PTPRK: variants seen among roughly 807,000 people sequenced by gnomAD.
The protein encoded by PTPRK is receptor-type tyrosine-protein phosphatase kappa.
PTPRK carries 75 observed loss-of-function variants against 178.0 expected under a neutral mutation model. The ratio of observed to expected loss-of-function variants is 0.42; its 90% CI spans 0.35 to 0.51. The LOEUF (loss-of-function observed/expected upper bound fraction) is 0.51, where lower values mean the gene tolerates loss of function less well. Ranked by LOEUF, PTPRK falls within the 20% of genes least tolerant of loss-of-function variation. The pLI is 0.02. For missense variants in PTPRK, 1,441 were observed against 1,797.8 expected (o/e 0.80, Z 3.59); for synonymous variants, 637 against 620.6 (o/e 1.03, Z -0.39).
chr6:128,066,014 C>CT (rs11390295), intron 12 of PTPRK, among the ~76,000 whole-genome samples: 16,757 of 152,148 alleles, frequency 0.11, 2,752 homozygotes, highest in African/African-American at 0.35. Context: ...TATCAAAAAG[C>CT]TTTAAAGAAT....
In PTPRK at chr6:128,512,050, T is replaced by C. The variant is rs143408575; in HGVS notation, c.100+8209A>G. ...CTCATAAGAATAAAAGCAGTACTAG[T>C]AAAAAAGACAAGTTCCAGAATTTGG... On this transcript the variant is annotated intron_variant, in intron 1 of 29. Transcript: ENST00000368226. 3.3e-5 allele frequency among the ~76,000 whole-genome samples: 5 copies of C among 152,188 alleles called. No homozygotes were observed. The East Asian group carries it at 9.7e-4, about 29-fold the overall frequency.
intron 13 of PTPRK, among the ~76,000 whole-genome samples, chr6:128,030,705 TA>T (rs1775171406): frequency 6.6e-6 from 1 of 152,186 alleles, no homozygotes; most frequent in Non-Finnish European, 1.5e-5. Context: ...ATTATTCTTT[TA>T]AAAACAGTTG....
At chr6:128,475,211 G>T (rs958037096) in intron 1 of PTPRK, among the ~76,000 whole-genome samples, 1 of 152,064 alleles carries the variant, frequency 6.6e-6, no homozygotes, top group African/African-American at 2.4e-5. Context: ...TTATAAAATG[G>T]TGATAATAAA....
intron 7 of PTPRK, among the ~76,000 whole-genome samples, chr6:128,136,642 G>GT (rs1446836168): frequency 6.6e-6 from 1 of 152,172 alleles, no homozygotes; most frequent in Non-Finnish European, 1.5e-5. Flanking sequence ...AGATGCAGTT[G>GT]TATTTTCATT....
chr6:128,204,613 C>G (rs529590345), intron 6 of PTPRK, among the ~76,000 whole-genome samples: 1 of 149,872 alleles, frequency 6.7e-6, no homozygotes, highest in Non-Finnish European at 1.5e-5. Flanking sequence ...AGGACATGAA[C>G]AGACATTTCT....
At chr6:128,325,555 C>G (rs1174482979) in intron 2 of PTPRK, among the ~76,000 whole-genome samples, 1 of 151,462 alleles carries the variant, frequency 6.6e-6, no homozygotes, top group Non-Finnish European at 1.5e-5. Context: ...ATGCGGCCAA[C>G]AAACATAAAA....
At chr6:128,413,826 C>G (rs1842561332) in intron 1 of PTPRK, among the ~76,000 whole-genome samples, 1 of 152,090 alleles carries the variant, frequency 6.6e-6, no homozygotes, top group Admixed American at 6.6e-5. Flanking sequence ...TATACTGACC[C>G]AACTTTTCAA....
At chr6:128,185,891 G>T (rs907990748) in intron 6 of PTPRK, among the ~76,000 whole-genome samples, 4 of 152,072 alleles carry the variant, frequency 2.6e-5, no homozygotes, top group Non-Finnish European at 5.9e-5. Flanking sequence ...CTGTAGACAG[G>T]TTTTACCTTC....
chr6:128,411,442 G>A (rs1439511335), intron 1 of PTPRK, among the ~76,000 whole-genome samples: 1 of 152,156 alleles, frequency 6.6e-6, no homozygotes, highest in Non-Finnish European at 1.5e-5. Context: ...AGAGAAAGTA[G>A]GTGGGGCCTT....
chr6:128,450,270 A>C (rs1357915175), intron 1 of PTPRK, among the ~76,000 whole-genome samples: 1 of 152,234 alleles, frequency 6.6e-6, no homozygotes, highest in East Asian at 1.9e-4. Context: ...GAGCAAGATC[A>C]CTATTAAGAA....
chr6:128,270,891 G>T (rs992195291), intron 3 of PTPRK, among the ~76,000 whole-genome samples: 5 of 152,112 alleles, frequency 3.3e-5, no homozygotes, highest in African/African-American at 9.6e-5. Context: ...CCAATGCTTT[G>T]TTTTTAGCTG....
At chr6:128,440,133 G>A (rs1181533375) in intron 1 of PTPRK, among the ~76,000 whole-genome samples, 1 of 152,170 alleles carries the variant, frequency 6.6e-6, no homozygotes, top group African/African-American at 2.4e-5. Context: ...TGTAGGACTT[G>A]AGTATACATG....
At chr6:127,992,004 G>A (rs1374636937) in intron 19 of PTPRK, among the ~76,000 whole-genome samples, 1 of 151,656 alleles carries the variant, frequency 6.6e-6, no homozygotes, top group East Asian at 1.9e-4. Flanking sequence ...AATGACCCCT[G>A]TTAAAAGAGT....
intron 2 of PTPRK, among the ~76,000 whole-genome samples, chr6:128,356,530 TC>T (rs1833987649): frequency 6.6e-6 from 1 of 152,150 alleles, no homozygotes; most frequent in African/African-American, 2.4e-5. Context: ...CTTGAAACCC[TC>T]CCCCATGCCC....
chr6:127,970,481 T>C (rs1460999368), intron 29 of PTPRK, among the ~76,000 whole-genome samples: 1 of 152,180 alleles, frequency 6.6e-6, no homozygotes, highest in East Asian at 1.9e-4. Context: ...GAAATTTATC[T>C]TAAAAAGACA....
chr6:128,192,499 GA>G (rs1253424780), intron 6 of PTPRK, among the ~76,000 whole-genome samples: 2 of 152,040 alleles, frequency 1.3e-5, no homozygotes, highest in African/African-American at 2.4e-5. Flanking sequence ...ATGCCCCAAA[GA>G]AAAAAAGTTA....
intron 3 of PTPRK, among the ~76,000 whole-genome samples, chr6:128,246,114 T>C (rs1167037037): frequency 6.6e-6 from 1 of 152,214 alleles, no homozygotes; most frequent in Admixed American, 6.5e-5. Flanking sequence ...AAATAAGTTT[T>C]ATTTGCTTGT....
At chr6:128,316,645 T>G (rs1424038593) in intron 3 of PTPRK, among the ~76,000 whole-genome samples, 1 of 152,094 alleles carries the variant, frequency 6.6e-6, no homozygotes, top group Non-Finnish European at 1.5e-5. Context: ...GCAGACATTT[T>G]GTAATAAAAG....
chr6:128,428,326 T>C (rs1224045403), intron 1 of PTPRK, among the ~76,000 whole-genome samples: 1 of 152,200 alleles, frequency 6.6e-6, no homozygotes, highest in Non-Finnish European at 1.5e-5. Flanking sequence ...AAAGCAATTA[T>C]AGCAATCTAA....
Sources: gnomAD v4.1 joint callset for allele counts (sites outside exome capture counted in the v4.1 genomes callset) on GRCh38, gnomAD v4.1.1 for gene constraint, MANE v1.5 for transcripts, NCBI Gene and HGNC (gene_info 2026-07-23, HGNC 2026-07-21) for gene names.